AGBL1: variants seen among roughly 807,000 people sequenced by gnomAD.
The protein encoded by AGBL1 is cytosolic carboxypeptidase 4.
Under a neutral mutation model 118.9 loss-of-function variants are expected in AGBL1, and 130 were observed. The ratio of observed to expected loss-of-function variants is 1.09; its 90% confidence interval spans 0.95 to 1.26. The LOEUF (loss-of-function observed/expected upper bound fraction) is 1.26, where lower values mean the gene tolerates loss of function less well. Ranked by LOEUF, AGBL1 falls within the 50% of genes most tolerant of loss-of-function variation. The pLI, the probability that AGBL1 is intolerant of heterozygous loss-of-function variation, is 0.00. For synonymous variants in AGBL1, 555 were observed against 478.9 expected (o/e 1.16, Z -2.08); for missense variants, 1,584 against 1,298.1 (o/e 1.22, Z -3.38).
At chr15:86,930,114 A>C (rs963041844) in intron 23 of AGBL1, among the ~76,000 whole-genome samples, 2 of 152,184 alleles carry the variant, frequency 1.3e-5, no homozygotes, top group East Asian at 1.9e-4. Context: ...CAAATAAATG[A>C]TGAATATTAT....
intron 1 of AGBL1, among the ~76,000 whole-genome samples, chr15:86,139,071 G>A (rs1223089314): frequency 2.6e-5 from 4 of 152,170 alleles, no homozygotes; most frequent in Non-Finnish European, 4.4e-5. Context: ...CACAGTTGCT[G>A]GAGGATGGTG....
chr15:86,667,202 CTATGTATGTATCTATGTATGTATGTATG>C (rs1436314312), intron 21 of AGBL1, among the ~76,000 whole-genome samples: 43 of 130,780 alleles, frequency 3.3e-4, no homozygotes, highest in Non-Finnish European at 4.9e-4. Context: ...ATTGAGATAT[CTATGTATGTATCTATGTATGTATGTATG>C]TATGTATGTA....
At chr15:87,000,922 TCTC>T (rs1484630479) in intron 24 of AGBL1, among the ~76,000 whole-genome samples, 2 of 132,158 alleles carry the variant, frequency 1.5e-5, no homozygotes, top group African/African-American at 2.9e-5. Flanking sequence ...GGTTTGTAGT[TCTC>T]CTTGAAGAGG....
rs148054746 is a variant in AGBL1 at position 86,090,754 on chromosome 15, G to T, written c.51+10731G>T. 6.7e-3 allele frequency among the ~76,000 whole-genome samples: 1,026 copies of T among 152,132 alleles called. 7 individuals carry two copies. Among genetic ancestry groups the T allele is most frequent in the Middle Eastern group, 0.014 (4 of 294 alleles). On this transcript the variant is annotated intron_variant, in intron 1 of 22. Transcript: ENST00000614907. The stretch of plus-strand genomic sequence containing the variant: ...TTTTCTTTAATGGATTATTTTTGCT[G>T]CAAAGCTTTTCCCCCATGATCTAAC...
chr15:86,210,070 A>T (rs1402362134), intron 5 of AGBL1, among the ~76,000 whole-genome samples: 1 of 152,136 alleles, frequency 6.6e-6, no homozygotes, highest in Non-Finnish European at 1.5e-5. Context: ...TCCTTCACTT[A>T]TGAAGCTTAG....
At chr15:86,902,697 C>A (rs1555461310) in intron 22 of AGBL1, among the ~76,000 whole-genome samples, 1 of 152,100 alleles carries the variant, frequency 6.6e-6, no homozygotes, top group Non-Finnish European at 1.5e-5. Context: ...GTTGTCAGTT[C>A]TTTGCTTTCA....
At chr15:86,944,100 G>T (rs1263107484) in intron 23 of AGBL1, among the ~76,000 whole-genome samples, 2 of 152,116 alleles carry the variant, frequency 1.3e-5, no homozygotes, top group African/African-American at 4.8e-5. Flanking sequence ...GGTGGGGCGC[G>T]GTGGCTCATC....
intron 9 of AGBL1, among the ~76,000 whole-genome samples, chr15:86,262,274 T>A (rs1683646890): frequency 6.6e-6 from 1 of 152,032 alleles, no homozygotes; most frequent in Non-Finnish European, 1.5e-5. Flanking sequence ...CTGTTTTTCT[T>A]CTCTCGCTAA....
chr15:86,162,920 C>G (rs189309343), intron 5 of AGBL1, among the ~76,000 whole-genome samples: 1 of 152,316 alleles, frequency 6.6e-6, no homozygotes, highest in East Asian at 1.9e-4. Context: ...GCCACCTGCT[C>G]CATTTCATCA....
chr15:86,154,179 C>G (rs1464332551), intron 3 of AGBL1, among the ~76,000 whole-genome samples: 1 of 152,122 alleles, frequency 6.6e-6, no homozygotes, highest in African/African-American at 2.4e-5. Flanking sequence ...ATGAGGACAA[C>G]CTAAATATAG....
intron 7 of AGBL1, among the ~76,000 whole-genome samples, chr15:86,255,778 T>TAAA (rs72427538): frequency 1.5e-4 from 22 of 148,710 alleles, no homozygotes; most frequent in African/African-American, 5.4e-4. Context: ...TGAGACTGTC[T>TAAA]AAAAAAAAAA....
intron 21 of AGBL1, among the ~76,000 whole-genome samples, chr15:86,600,133 G>T (rs920336911): frequency 5.3e-5 from 8 of 152,102 alleles, no homozygotes; most frequent in African/African-American, 1.9e-4. Context: ...AATGTGCCCA[G>T]TTCTGGGCAA....
chr15:86,270,573 A>G (rs2079144094), intron 14 of AGBL1, among the ~76,000 whole-genome samples: 1 of 152,178 alleles, frequency 6.6e-6, no homozygotes, highest in Admixed American at 6.5e-5. Context: ...GTTTTGAGGA[A>G]TGGAAATTCT....
At chr15:86,587,746 G>A (rs74026960) in intron 21 of AGBL1, among the ~76,000 whole-genome samples, 13,763 of 152,180 alleles carry the variant, frequency 0.09, 1,915 homozygotes, top group African/African-American at 0.3. Context: ...GTACCCACAT[G>A]CAACCGCAGA....
intron 18 of AGBL1, among the ~76,000 whole-genome samples, chr15:86,496,648 A>C (rs1270044509): frequency 6.6e-6 from 1 of 151,806 alleles, no homozygotes; most frequent in East Asian, 1.9e-4. Flanking sequence ...ACTTTTTAAC[A>C]ATGTATTTTT....
chr15:86,732,394 T>C (rs1393988350), intron 22 of AGBL1, among the ~76,000 whole-genome samples: 3 of 152,238 alleles, frequency 2.0e-5, no homozygotes, highest in Non-Finnish European at 4.4e-5. Context: ...CAACTGTTTG[T>C]AACTATGTAG....
chr15:86,512,988 G>GTATC (rs1019457530), intron 18 of AGBL1, among the ~76,000 whole-genome samples: 7 of 150,518 alleles, frequency 4.7e-5, no homozygotes, highest in Non-Finnish European at 3.0e-5. Flanking sequence ...GAAATAATTT[G>GTATC]TATCTGTCAA....
At chr15:86,378,772 T>C (rs1034404174) in intron 17 of AGBL1, among the ~76,000 whole-genome samples, 2 of 152,144 alleles carry the variant, frequency 1.3e-5, no homozygotes, top group African/African-American at 4.8e-5. Context: ...ACAAATTCAG[T>C]GGCAGGGCGA....
At chr15:86,325,184 G>T (rs760241806) in intron 17 of AGBL1, among the ~76,000 whole-genome samples, 2 of 152,204 alleles carry the variant, frequency 1.3e-5, no homozygotes, top group Admixed American at 1.3e-4. Context: ...AAAACACGGA[G>T]TGATTTTTGT....
Sources: allele counts gnomAD v4.1 joint callset (sites outside exome capture counted in the v4.1 genomes callset), GRCh38; gene constraint gnomAD v4.1.1; transcripts MANE v1.5; gene names NCBI Gene and HGNC (gene_info 2026-07-23, HGNC 2026-07-21).